The following STK10 variants were observed in gnomAD, a reference collection of about 807,000 sequenced individuals.
STK10 encodes serine/threonine-protein kinase 10.
Under a neutral mutation model 113.8 loss-of-function variants are expected in STK10, and 78 were observed. The observed-to-expected ratio is 0.69, with a 90% CI of 0.57 to 0.83. STK10 has a LOEUF of 0.83. Ranked by LOEUF, STK10 falls within the 40% of genes least tolerant of loss-of-function variation. STK10 has a pLI of 0.00. For missense variants in STK10, 1,109 were observed against 1,280.1 expected, an observed-to-expected ratio of 0.87 and a Z score of 2.04; for synonymous variants, 465 against 494.7, an observed-to-expected ratio of 0.94 and a Z score of 0.80.
At position 172,117,477 on chromosome 5, in the gene STK10, T is replaced by C. The variant is rs1769412520; in HGVS notation, c.520+4A>G. 1.9e-6 allele frequency: 3 copies of C among 1,609,174 alleles called. No homozygotes were observed. The East Asian group carries it at 6.7e-5, about 36-fold the overall frequency. Reference sequence around the variant, plus strand: ...CTCCACCTTTCCCACCCTGAGCCCCTTACCCAGCCTGATGTCTCCCTCGAG... The same window carrying C: ...CTCCACCTTTCCCACCCTGAGCCCCCTACCCAGCCTGATGTCTCCCTCGAG... On this transcript the variant is annotated splice_donor_region_variant and intron_variant, in intron 4 of 18. Coordinates refer to ENST00000176763, the MANE Select transcript of STK10 (RefSeq NM_005990.4).
intron 10 of STK10, 64 bp downstream of exon 10, chr5:172,090,168 A>AT: frequency 6.3e-7 from 1 of 1,590,536 alleles, no homozygotes. Flanking sequence ...CAAAGGACCA[A>AT]TGCCCACTCC....
At chr5:172,147,512 C>A (rs901129535) in intron 2 of STK10, among the ~76,000 whole-genome samples, 2 of 152,132 alleles carry the variant, frequency 1.3e-5, no homozygotes, top group African/African-American at 4.8e-5. Context: ...CTGCCTCAGC[C>A]TCCCGAATAG....
intron 18 of STK10, among the ~76,000 whole-genome samples, chr5:172,049,752 C>T (rs1320112339): frequency 6.6e-6 from 1 of 152,076 alleles, no homozygotes; most frequent in Non-Finnish European, 1.5e-5. Context: ...AGACAATGGC[C>T]CCTCCTAACT....
intron 2 of STK10, among the ~76,000 whole-genome samples, chr5:172,153,181 G>A (rs1403753207): frequency 1.3e-5 from 2 of 152,122 alleles, no homozygotes; most frequent in Non-Finnish European, 2.9e-5. Context: ...AGCTACTCAG[G>A]AGGCTGAGGC....
intron 2 of STK10, among the ~76,000 whole-genome samples, chr5:172,150,230 C>T (rs991569394): frequency 2.6e-5 from 4 of 151,814 alleles, no homozygotes; most frequent in African/African-American, 7.3e-5. Flanking sequence ...CCTGTAATCC[C>T]AGCACTTTGG....
At chr5:172,122,161 C>T (rs1486115033) in intron 3 of STK10, among the ~76,000 whole-genome samples, 1 of 152,020 alleles carries the variant, frequency 6.6e-6, no homozygotes, top group Non-Finnish European at 1.5e-5. Flanking sequence ...CAACCATGCC[C>T]GGCCTGATAC....
rs531048576 is a variant in STK10, at chr5:172,155,322, ACC to A, written c.321+1300_321+1301del. ...AGAAGAGCCTGACCAAGACGGTGAA[ACC>A]CCGTCTCTACTAAAAATATAAAAAG... On this transcript the variant is annotated intron_variant, in intron 2 of 18. Coordinates refer to ENST00000176763, the MANE Select transcript of STK10 (RefSeq NM_005990.4). Among the ~76,000 whole-genome samples, 1,208 of 151,940 alleles carry A rather than the reference ACC, an allele frequency of 8.0e-3. 7 individuals are homozygous for A. The highest frequency in any genetic ancestry group is 0.013 in the Non-Finnish European group (891 of 67,968).
chr5:172,178,837 T>C (rs1393786864), intron 1 of STK10, among the ~76,000 whole-genome samples: 1 of 152,170 alleles, frequency 6.6e-6, no homozygotes, highest in Admixed American at 6.5e-5. Context: ...GCTGGAGCCA[T>C]TATGCCTCCC....
intron 7 of STK10, among the ~76,000 whole-genome samples, chr5:172,099,086 TCAC>T (rs1368617348): frequency 6.6e-6 from 1 of 151,286 alleles, no homozygotes; most frequent in African/African-American, 2.4e-5. Context: ...AACATCATCA[TCAC>T]GACCATTACC....
intron 18 of STK10, among the ~76,000 whole-genome samples, chr5:172,052,589 A>G (rs923786514): frequency 4.6e-5 from 7 of 152,236 alleles, no homozygotes; most frequent in African/African-American, 1.7e-4. Context: ...GACTCCTCAG[A>G]ATAACTTCCT....
At chr5:172,137,010 G>A (rs1027871838) in intron 2 of STK10, among the ~76,000 whole-genome samples, 5 of 145,150 alleles carry the variant, frequency 3.4e-5, no homozygotes, top group African/African-American at 5.1e-5. Context: ...GGTGTGTGAT[G>A]TTCCCCTCCC....
At chr5:172,105,425 C>A (rs1026134915) in intron 7 of STK10, 12 of 568,424 alleles carry the variant, frequency 2.1e-5, no homozygotes, top group Non-Finnish European at 3.5e-5. Context: ...CCACCTGTAT[C>A]CCCACTGGAA....
At chr5:172,055,350 T>C (rs548227896) in intron 16 of STK10, among the ~76,000 whole-genome samples, 115 of 152,180 alleles carry the variant, frequency 7.6e-4, no homozygotes, top group Non-Finnish European at 1.3e-3. Flanking sequence ...CTGGCTAATA[T>C]TTTTAAAAAA....
chr5:172,072,236 G>C (rs925356214), intron 12 of STK10, among the ~76,000 whole-genome samples: 27 of 151,894 alleles, frequency 1.8e-4, no homozygotes, highest in African/African-American at 6.1e-4. Flanking sequence ...TGGCATACTA[G>C]GAATAGGAGA....
rs1767829110 is a variant in STK10, at chr5:172,057,399, T to C, written c.2287A>G (p.Lys763Glu). ...TGCCGCTGGAGGAAGTACTGGTCTT[T>C]GAGCTGCTGCTTCACCAGCTGGTGC... is the stretch of plus-strand genomic sequence containing the variant. Reference protein sequence around the residue: ...ERHQLVKQQLKDQYFLQRHEL... With the variant: ...ERHQLVKQQLEDQYFLQRHEL... The change falls in exon 15 of 19, where the codon AAA (lysine) becomes GAA (glutamate). Residue 763 changes from lysine (K) to glutamate (E), a missense_variant. Around this residue, in one of 5 missense-constraint regions of STK10, gnomAD observed 885 missense variants for 991.1 expected, o/e 0.89. Transcript: ENST00000176763. 5 of 1,556,854 alleles carry C rather than the reference T, an allele frequency of 3.2e-6. No homozygotes were observed. In the South Asian group the frequency reaches 5.9e-5, roughly 18 times the overall value.
chr5:172,045,217 C>T (rs187478903), intron 18 of STK10, among the ~76,000 whole-genome samples, 195 bp from the exon 19 acceptor site: 4 of 152,178 alleles, frequency 2.6e-5, no homozygotes, highest in East Asian at 3.9e-4. Context: ...CTCCTGCCAC[C>T]GCCACTCAGA....
chr5:172,088,654 T>C (rs948658204), intron 10 of STK10, among the ~76,000 whole-genome samples: 8 of 152,170 alleles, frequency 5.3e-5, no homozygotes, highest in Admixed American at 4.6e-4. Context: ...CCCAGGGGAC[T>C]CCGTGGCTCC....
chr5:172,138,953 G>A (rs927597688), intron 2 of STK10, among the ~76,000 whole-genome samples: 2 of 152,192 alleles, frequency 1.3e-5, no homozygotes, highest in Admixed American at 6.5e-5. Flanking sequence ...GGCGGAGCTT[G>A]CAGTGAGCCA....
Position 172,082,326 on chromosome 5 carries a change from C to G in STK10, c.1989G>C (p.Glu663Asp). 1.3e-6 allele frequency: 2 copies of G among 1,552,336 alleles called. No homozygotes were observed. Among genetic ancestry groups the G allele is most frequent in the Non-Finnish European group, 1.7e-6 (2 of 1,151,064 alleles). ...CTGCCCCCACTGAGCACATACTCAC[C>G]TCTTTCTTCATCAGTTTGAGCTGCT... ...FQEQLKLMKK[E>D]VKNEVEKLPR... The change falls in exon 12 of 19, where the codon GAG becomes GAC. Residue 663 changes from glutamate to aspartate, a missense_variant and splice_region_variant. Transcript: ENST00000176763. The surrounding 1 kb of genome is among the most constrained non-coding windows in gnomAD (Gnocchi z 4.3).
Sources: gnomAD v4.1 joint callset for allele counts (sites outside exome capture counted in the v4.1 genomes callset) on GRCh38, gnomAD v4.1.1 for gene constraint, gnomAD v4.1.1 regional missense constraint, Gnocchi (gnomAD v3.1) non-coding constraint, MANE v1.5 for transcripts, NCBI Gene and HGNC (gene_info 2026-07-23, HGNC 2026-07-21) for gene names.